SORCS1: variants seen among roughly 807,000 people sequenced by gnomAD.
SORCS1 encodes the protein VPS10 domain-containing receptor SorCS1.
A neutral mutation model predicts 146.1 loss-of-function variants in SORCS1; 60 were observed. That is an observed-to-expected ratio of 0.41 (90% CI 0.33 to 0.51). The LOEUF is 0.51. Ranked by LOEUF, SORCS1 falls within the 20% of genes least tolerant of loss-of-function variation. SORCS1 has a pLI of 0.21. For missense variants in SORCS1, 1,352 were observed against 1,487.6 expected, an observed-to-expected ratio of 0.91 and a Z score of 1.50; for synonymous variants, 637 against 584.0, an observed-to-expected ratio of 1.09 and a Z score of -1.31.
At chr10:106,796,777 A>C (rs1946579096) in intron 3 of SORCS1, among the ~76,000 whole-genome samples, 1 of 152,302 alleles carries the variant, frequency 6.6e-6, no homozygotes, top group African/African-American at 2.4e-5. Context: ...TAGTTTAACT[A>C]GAGTTTCCAC....
intron 1 of SORCS1, among the ~76,000 whole-genome samples, chr10:107,145,705 G>C (rs540370200): frequency 1.2e-4 from 19 of 152,240 alleles, no homozygotes; most frequent in South Asian, 4.1e-4. Flanking sequence ...TGTTCCAATT[G>C]AATTCAGGCA....
intron 2 of SORCS1, among the ~76,000 whole-genome samples, chr10:106,939,847 C>T (rs776507059): frequency 2.0e-5 from 3 of 152,190 alleles, no homozygotes; most frequent in African/African-American, 4.8e-5. Flanking sequence ...TCTCATCTTC[C>T]TCATCCTACG....
intron 23 of SORCS1, among the ~76,000 whole-genome samples, chr10:106,600,936 C>T (rs901496418): frequency 6.6e-6 from 1 of 152,142 alleles, no homozygotes; most frequent in African/African-American, 2.4e-5. Context: ...ATTATGCTGC[C>T]TTCTCTCATT....
chr10:107,106,592 G>A (rs1255311639), intron 1 of SORCS1, among the ~76,000 whole-genome samples: 3 of 151,940 alleles, frequency 2.0e-5, no homozygotes, highest in Non-Finnish European at 4.4e-5. Flanking sequence ...GAATCACCAA[G>A]GAAAAATCAC....
At chr10:106,680,650 T>C (rs969459631) in intron 10 of SORCS1, among the ~76,000 whole-genome samples, 2 of 152,214 alleles carry the variant, frequency 1.3e-5, no homozygotes, top group African/African-American at 4.8e-5. Flanking sequence ...ATAATAAATC[T>C]TATATGAATT....
intron 24 of SORCS1, among the ~76,000 whole-genome samples, chr10:106,593,713 A>C (rs920214903): frequency 6.6e-6 from 1 of 152,220 alleles, no homozygotes; most frequent in African/African-American, 2.4e-5. Context: ...CAATGGTTGG[A>C]AGTCAAAGAA....
chr10:107,112,951 C>T (rs965166883), intron 1 of SORCS1, among the ~76,000 whole-genome samples: 1 of 152,082 alleles, frequency 6.6e-6, no homozygotes, highest in Non-Finnish European at 1.5e-5. Context: ...ATAGATCATC[C>T]AGAGAGAAAA....
intron 20 of SORCS1, among the ~76,000 whole-genome samples, chr10:106,619,471 CAA>C (rs1847594387): frequency 6.6e-6 from 1 of 152,154 alleles, no homozygotes; most frequent in South Asian, 2.1e-4. Flanking sequence ...ATTTGAAGAG[CAA>C]AGTCACCAAG....
At chr10:106,963,898 T>C (rs184068398) in intron 1 of SORCS1, among the ~76,000 whole-genome samples, 10 of 152,300 alleles carry the variant, frequency 6.6e-5, no homozygotes, top group Admixed American at 5.9e-4. Flanking sequence ...GGCAGACCCA[T>C]ACACAGGTAC....
intron 1 of SORCS1, among the ~76,000 whole-genome samples, chr10:106,966,248 G>A (rs148619525): frequency 8.0e-4 from 121 of 152,074 alleles, no homozygotes; most frequent in African/African-American, 2.8e-3. Flanking sequence ...AGTTGAAAGG[G>A]TGATAGAAAT....
At chr10:107,092,778 A>G (rs1207966362) in intron 1 of SORCS1, among the ~76,000 whole-genome samples, 1 of 152,026 alleles carries the variant, frequency 6.6e-6, no homozygotes, top group African/African-American at 2.4e-5. Context: ...TGAGAAACAG[A>G]AGGCTTTATA....
At chr10:106,911,482 G>GC (rs1952151060) in intron 2 of SORCS1, among the ~76,000 whole-genome samples, 2 of 151,782 alleles carry the variant, frequency 1.3e-5, no homozygotes, top group African/African-American at 4.8e-5. Flanking sequence ...CACAGCCTCA[G>GC]CCCTATCCTA....
intron 19 of SORCS1, among the ~76,000 whole-genome samples, chr10:106,621,758 T>C (rs910517797): frequency 2.0e-5 from 3 of 152,116 alleles, no homozygotes; most frequent in African/African-American, 7.2e-5. Context: ...TTTTTTGTTA[T>C]TCACATCCAT....
At chr10:106,760,817 G>A (rs112129016) in intron 5 of SORCS1, among the ~76,000 whole-genome samples, 71 of 152,096 alleles carry the variant, frequency 4.7e-4, no homozygotes, top group African/African-American at 1.7e-3. Context: ...CATGACAAGG[G>A]GAAGGCCGGC....
intron 23 of SORCS1, among the ~76,000 whole-genome samples, chr10:106,602,657 C>G (rs1233935668): frequency 6.6e-6 from 1 of 151,996 alleles, no homozygotes; most frequent in Non-Finnish European, 1.5e-5. Flanking sequence ...TTGGATTTCC[C>G]ATCACCCACT....
At chr10:107,026,874 G>A (rs188689637) in intron 1 of SORCS1, among the ~76,000 whole-genome samples, 1 of 151,702 alleles carries the variant, frequency 6.6e-6, no homozygotes, top group East Asian at 1.9e-4. Flanking sequence ...CTGAAACCTA[G>A]CCTACATGTG....
At chr10:107,047,433 T>C (rs758005499) in intron 1 of SORCS1, among the ~76,000 whole-genome samples, 6 of 152,200 alleles carry the variant, frequency 3.9e-5, no homozygotes, top group Non-Finnish European at 8.8e-5. Flanking sequence ...CCTGATAGGT[T>C]ATTATTTTGT....
At chr10:106,957,751 T>A (rs113963249) in intron 1 of SORCS1, among the ~76,000 whole-genome samples, 5 of 152,336 alleles carry the variant, frequency 3.3e-5, no homozygotes, top group African/African-American at 1.2e-4. Flanking sequence ...AAATTTAAGC[T>A]ATATTCGCTC....
intron 1 of SORCS1, among the ~76,000 whole-genome samples, chr10:107,135,797 G>A (rs1051575625): frequency 6.6e-6 from 1 of 152,160 alleles, no homozygotes; most frequent in Non-Finnish European, 1.5e-5. Context: ...ATACCAGACA[G>A]CCATTGTTGG....
Sources: allele counts gnomAD v4.1 joint callset (sites outside exome capture counted in the v4.1 genomes callset), GRCh38; gene constraint gnomAD v4.1.1; transcripts MANE v1.5; gene names NCBI Gene and HGNC (gene_info 2026-07-23, HGNC 2026-07-21).